The following LGALS3 variants were observed in gnomAD, a reference collection of about 807,000 sequenced individuals.
The protein encoded by LGALS3 is galectin 3.
In LGALS3, 18 loss-of-function variants were observed where a neutral mutation model predicts 20.7. The observed-to-expected ratio is 0.87, with a 90% confidence interval of 0.60 to 1.29. The LOEUF (loss-of-function observed/expected upper bound fraction) is 1.29, where lower values mean the gene tolerates loss of function less well. Among genes scored for constraint, LGALS3 ranks in the 50% most tolerant of loss-of-function variants. The probability of loss-of-function intolerance (pLI) is 0.00; values close to 1 mark genes in which losing one functional copy is unlikely to be tolerated. For synonymous variants in LGALS3, 112 were observed against 119.6 expected, an observed-to-expected ratio of 0.94 and a Z score of 0.42; for missense variants, 315 against 314.7, an observed-to-expected ratio of 1.00 and a Z score of -0.01.
rs918428053 is a variant in LGALS3, at chr14:55,129,278, C to G, written c.-27C>G. 2.6e-5 allele frequency: 4 copies of G among 151,926 alleles called. No homozygotes were observed. The highest frequency in any genetic ancestry group is 6.6e-5 in the Admixed American group (1 of 15,244). The allele number at this position is 151,926 out of a possible 1,614,324, so 9.4% of individuals were successfully genotyped here. On this transcript the variant is annotated 5_prime_UTR_variant, in exon 1 of 6. Coordinates refer to ENST00000254301, the MANE Select transcript of LGALS3 (RefSeq NM_002306.4). This position sits in a 1 kb window ranked among gnomAD's most constrained non-coding sequence, Gnocchi z 5.3. ...CCCGCAGCACCTCCTCGCCAGCAGC[C>G]GTCCGGAGCCAGCCAACGAGCGGTG...
intron 3 of LGALS3, among the ~76,000 whole-genome samples, chr14:55,139,826 A>C (rs1566782570): frequency 6.6e-6 from 1 of 152,222 alleles, no homozygotes; most frequent in African/African-American, 2.4e-5. Flanking sequence ...AGTATCTGCC[A>C]TATGCAAAGC....
In LGALS3 at chr14:55,137,467, G is replaced by A. The variant is rs116659993; in HGVS notation, c.18+76G>A. ...GGGTTGGGGGTTTTGTTTTTACCAT[G>A]ACTTTCCCTTTTCACTCTCCCACTG... On this transcript the variant is annotated intron_variant, in intron 2 of 5. Coordinates refer to ENST00000254301, the MANE Select transcript of LGALS3 (RefSeq NM_002306.4). 3,271 of 1,613,872 alleles carry A rather than the reference G, an allele frequency of 2.0e-3. 71 individuals carry two copies. The African/African-American group carries it at 0.039, about 19-fold the overall frequency.
intron 3 of LGALS3, 138 bp downstream of exon 3, chr14:55,138,506 T>C: frequency 1.1e-6 from 1 of 904,576 alleles, no homozygotes; most frequent in Non-Finnish European, 1.8e-6. Flanking sequence ...AAATTAAGTG[T>C]TCATATTGAG....
Position 55,138,058 on chromosome 14 carries a change from T to TA in LGALS3, c.33dup (p.Ser12IlefsTer108). 6.6e-7 allele frequency: 1 copy of TA among 1,503,888 alleles called. No individual in the cohort carries two copies. The highest frequency in any genetic ancestry group is 1.4e-5 in the African/African-American group (1 of 71,576). 93.2% of individuals were successfully genotyped at this position (1,503,888 alleles called of 1,614,324 possible). A position where few individuals can be genotyped will look rare whatever the true frequency, so the allele number is the denominator to read the frequency against. ...CTTTCTTTCCAGCTCCATGATGCGT[T>TA]ATCTGGGTCTGGAAACCCAAACCCT... On this transcript the variant is annotated frameshift_variant, in exon 3 of 6. Coordinates refer to ENST00000254301, the MANE Select transcript of LGALS3 (RefSeq NM_002306.4). LOFTEE classifies it high-confidence loss of function.
intron 4 of LGALS3, among the ~76,000 whole-genome samples, chr14:55,140,856 A>G (rs1343151890): frequency 6.6e-6 from 1 of 152,220 alleles, no homozygotes; most frequent in Non-Finnish European, 1.5e-5. Context: ...GAGGTGGGCT[A>G]GGATGGGGTG....
At position 55,144,609 on chromosome 14, in the gene LGALS3, G is replaced by A. The variant is rs201955822; in HGVS notation, c.598-507G>A. Among the ~76,000 whole-genome samples, 165 of 152,232 alleles carry A rather than the reference G, an allele frequency of 1.1e-3. 1 individual carries two copies. Among genetic ancestry groups the A allele is most frequent in the Non-Finnish European group, 5.4e-4 (37 of 68,012 alleles). On this transcript the variant is annotated intron_variant, in intron 5 of 5. Transcript: ENST00000254301. ...GACGGAGTCTCACTCTTTCGCCCAG[G>A]CTGGAGTGCAGTGGCACTATCTCGG...
chr14:55,139,615 C>T (rs150550029), intron 3 of LGALS3, among the ~76,000 whole-genome samples: 29 of 151,948 alleles, frequency 1.9e-4, no homozygotes, highest in African/African-American at 6.3e-4. Flanking sequence ...AACTGAGACT[C>T]GGATTTTTGA....
In LGALS3 at chr14:55,137,944, C is replaced by T. The variant is rs1158215271; in HGVS notation, c.19-101C>T. On this transcript the variant is annotated intron_variant, in intron 2 of 5. Coordinates refer to ENST00000254301, the MANE Select transcript of LGALS3 (RefSeq NM_002306.4). ...TAATGATATGCATGTAATGCCTTTG[C>T]CATATTCCTCTCCTTCTTAGATCAC... The T allele has an allele frequency of 1.1e-5, 16 of 1,411,604 alleles. 1 individual carries two copies. The highest frequency in any genetic ancestry group is 1.4e-5 in the African/African-American group (1 of 69,188). 87.4% of individuals were successfully genotyped at this position (1,411,604 alleles called of 1,614,324 possible). A position where few individuals can be genotyped will look rare whatever the true frequency, so the allele number is the denominator to read the frequency against.
intron 2 of LGALS3, chr14:55,137,720 G>C: frequency 1.5e-6 from 2 of 1,342,616 alleles, no homozygotes; most frequent in Non-Finnish European, 1.9e-6. Context: ...TCTGATGTTT[G>C]TGATTGTTTT....
Position 55,142,673 on chromosome 14 carries a change from A to C in LGALS3, c.521A>C (p.Asn174Thr), listed in dbSNP as rs779257387. ...AACAACAGGAGAGTCATTGTTTGCA[A>C]TACAAAGCTGGATAATAACTGGGGA... ...NENNRRVIVC[N>T]TKLDNNWGRE... The change falls in exon 5 of 6, where the codon AAT becomes ACT. Residue 174 changes from asparagine (N) to threonine (T), a missense_variant. Asn to Thr is a moderately conservative substitution (Grantham distance 65, BLOSUM62 0). Coordinates refer to ENST00000254301, the MANE Select transcript of LGALS3 (RefSeq NM_002306.4). 1 of 1,613,924 alleles carries C rather than the reference A, an allele frequency of 6.2e-7. No homozygotes were observed. The highest frequency in any genetic ancestry group is 1.1e-5 in the South Asian group (1 of 91,074).
intron 1 of LGALS3, among the ~76,000 whole-genome samples, chr14:55,130,029 C>T (rs943590888): frequency 6.6e-6 from 1 of 152,218 alleles, no homozygotes; most frequent in African/African-American, 2.4e-5. Flanking sequence ...CCTGAGTGGG[C>T]ATGACCCGGC....
chr14:55,131,835 C>T (rs1177209672), intron 1 of LGALS3, among the ~76,000 whole-genome samples: 1 of 152,180 alleles, frequency 6.6e-6, no homozygotes, highest in Non-Finnish European at 1.5e-5. Context: ...AGAAAGAAAT[C>T]CTAGGAAAGG....
intron 1 of LGALS3, among the ~76,000 whole-genome samples, chr14:55,133,846 G>C (rs1343053295): frequency 1.3e-5 from 2 of 152,172 alleles, no homozygotes; most frequent in African/African-American, 4.8e-5. Flanking sequence ...TTGACTTTCT[G>C]GTTGGAATCA....
In LGALS3 at chr14:55,138,116, T is replaced by C. The variant is rs1881472825; in HGVS notation, c.90T>C (p.Pro30=). The change falls in exon 3 of 6, where the codon CCT becomes CCC. Residue 30 remains proline, a synonymous_variant. Coordinates refer to ENST00000254301, the MANE Select transcript of LGALS3 (RefSeq NM_002306.4). ...QGWPGAWGNQ[P]AGAGGYPGAS... The stretch of plus-strand genomic sequence containing the variant: ...GGCCTGGCGCATGGGGGAACCAGCC[T>C]GCTGGGGCAGGGGGCTACCCAGGGG... 6.5e-7 allele frequency: 1 copy of C among 1,546,950 alleles called. No individual in the cohort carries two copies. The highest frequency in any genetic ancestry group is 1.4e-5 in the African/African-American group (1 of 72,090).
intron 1 of LGALS3, among the ~76,000 whole-genome samples, chr14:55,133,880 A>C (rs1881304646): frequency 6.6e-6 from 1 of 152,220 alleles, no homozygotes; most frequent in Admixed American, 6.5e-5. Flanking sequence ...TCTTAATTTG[A>C]ATAGAGTTAT....
intron 1 of LGALS3, among the ~76,000 whole-genome samples, chr14:55,132,592 T>A (rs907845440): frequency 1.6e-4 from 24 of 152,204 alleles, no homozygotes; most frequent in African/African-American, 4.6e-4. Context: ...TTTCTTGAGA[T>A]GGAGCCTCGC....
At chr14:55,136,527 T>C (rs1356265790) in intron 1 of LGALS3, among the ~76,000 whole-genome samples, 2 of 152,176 alleles carry the variant, frequency 1.3e-5, no homozygotes, top group Non-Finnish European at 2.9e-5. Flanking sequence ...TTTTTTTTAA[T>C]TCTTAATCTT....
rs527576488 is a variant in LGALS3, at chr14:55,142,704, A to G, written c.552A>G (p.Glu184=). The G allele has an allele frequency of 1.2e-6, 2 of 1,613,918 alleles. No individual in the cohort carries two copies. The highest frequency in any genetic ancestry group is 1.3e-5 in the African/African-American group (1 of 75,056). Residue 184 remains glutamate, a synonymous_variant, in exon 5 of 6, where the codon GAA becomes GAG. Coordinates refer to ENST00000254301, the MANE Select transcript of LGALS3 (RefSeq NM_002306.4). ...NTKLDNNWGR[E]ERQSVFPFES... ...AGCTGGATAATAACTGGGGAAGGGA[A>G]GAAAGACAGTCGGTTTTCCCATTTG...
At chr14:55,145,078 A>G in intron 5 of LGALS3, 38 bp from the exon 6 acceptor site, 1 of 1,561,622 alleles carries the variant, frequency 6.4e-7, no homozygotes, top group South Asian at 1.1e-5. Context: ...TGACATATGC[A>G]TTACCTCATG....
Sources: allele counts gnomAD v4.1 joint callset (sites outside exome capture counted in the v4.1 genomes callset), GRCh38; gene constraint gnomAD v4.1.1; non-coding constraint Gnocchi (gnomAD v3.1); transcripts MANE v1.5; gene names NCBI Gene and HGNC (gene_info 2026-07-23, HGNC 2026-07-21).